The following SOHLH2 variants were observed in gnomAD, a reference collection of about 807,000 sequenced individuals.
SOHLH2 encodes the protein spermatogenesis and oogenesis specific basic helix-loop-helix 2.
In SOHLH2, 22 loss-of-function variants were observed where a neutral mutation model predicts 50.4. That is an observed-to-expected ratio of 0.44 (90% CI 0.31 to 0.62). The LOEUF (loss-of-function observed/expected upper bound fraction) is 0.62, where lower values mean the gene tolerates loss of function less well. SOHLH2 is among the 20% of genes least tolerant of loss of function. The pLI, the probability that SOHLH2 is intolerant of heterozygous loss-of-function variation, is 0.08. For synonymous variants in SOHLH2, 185 were observed against 187.3 expected, an observed-to-expected ratio of 0.99 and a Z score of 0.10; for missense variants, 412 against 504.4, an observed-to-expected ratio of 0.82 and a Z score of 1.76.
At chr13:36,182,189 T>G in intron 6 of SOHLH2, 1 of 985,378 alleles carries the variant, frequency 1.0e-6, no homozygotes. Context: ...GAGCAAAAGA[T>G]GGTAATACAG....
At chr13:36,203,147 C>T (rs1027123200) in intron 1 of SOHLH2, among the ~76,000 whole-genome samples, 2 of 152,174 alleles carry the variant, frequency 1.3e-5, no homozygotes, top group African/African-American at 4.8e-5. Flanking sequence ...CTGAAAGGAA[C>T]TGCTGTCAAG....
At chr13:36,185,045 G>C (rs1021189464) in intron 6 of SOHLH2, among the ~76,000 whole-genome samples, 1 of 152,082 alleles carries the variant, frequency 6.6e-6, no homozygotes, top group Non-Finnish European at 1.5e-5. Flanking sequence ...TCCTGTGTTA[G>C]TTTGCTGAGA....
chr13:36,178,360 C>T (rs1887149648), intron 6 of SOHLH2, among the ~76,000 whole-genome samples: 1 of 152,022 alleles, frequency 6.6e-6, no homozygotes, highest in South Asian at 2.1e-4. Flanking sequence ...CTAGTTGTTC[C>T]AGCATCATTT....
chr13:36,188,144 G>C (rs1302811076), intron 6 of SOHLH2, among the ~76,000 whole-genome samples: 1 of 152,132 alleles, frequency 6.6e-6, no homozygotes. Flanking sequence ...GCAATGTCTT[G>C]GACCCTCCTG....
Position 36,184,881 on chromosome 13 carries a change from G to A in SOHLH2, c.641+5065C>T, listed in dbSNP as rs143198272. ...CCCGTTATCTAGGTCTTTAAGCCCC[G>A]CATGCATTAGGTATTTGTCCTAATG... On this transcript the variant is annotated intron_variant, in intron 6 of 10. Transcript: ENST00000379881. 1.6e-4 allele frequency among the ~76,000 whole-genome samples: 24 copies of A among 152,066 alleles called. No homozygotes were observed. The East Asian group carries it at 3.9e-3, about 25-fold the overall frequency.
chr13:36,207,932 G>A (rs1035472692), intron 1 of SOHLH2, among the ~76,000 whole-genome samples: 2 of 152,108 alleles, frequency 1.3e-5, no homozygotes, highest in African/African-American at 4.8e-5. Context: ...CACCTTGGTC[G>A]CTTGGTTAAG....
At position 36,197,002 on chromosome 13, in the gene SOHLH2, TTC is replaced by T. The variant is rs1334666225; in HGVS notation, c.264-3137_264-3136del. Among the ~76,000 whole-genome samples, 3 of 152,290 alleles carry T rather than the reference TTC, an allele frequency of 2.0e-5. No individual in the cohort carries two copies. The East Asian group carries it at 5.8e-4, about 29-fold the overall frequency. On this transcript the variant is annotated intron_variant, in intron 2 of 10. Coordinates refer to ENST00000379881, the MANE Select transcript of SOHLH2 (RefSeq NM_017826.3). ...AGTTTCTAGGATCAACCAGAAAATG[TTC>T]TCTTTTTTTGTGAATGAATATTCCT...
intron 9 of SOHLH2, among the ~76,000 whole-genome samples, chr13:36,172,486 C>T (rs1188003977): frequency 2.0e-5 from 3 of 152,108 alleles, no homozygotes; most frequent in Non-Finnish European, 4.4e-5. Flanking sequence ...TCTGGGGGTC[C>T]CTGCTCTTTT....
chr13:36,191,756 T>A (rs375124843), intron 5 of SOHLH2, 39 bp downstream of exon 5: 221 of 1,611,144 alleles, frequency 1.4e-4, no homozygotes, highest in Middle Eastern at 5.0e-4. Flanking sequence ...ATAAGTTCTC[T>A]AAAAATATTG....
rs564041358 is a variant in SOHLH2 at position 36,174,791 on chromosome 13, T to C, written c.720A>G (p.Ser240=). Residue 240 remains serine, a synonymous_variant, in exon 7 of 11, where the codon TCA becomes TCG. Transcript: ENST00000379881. ...CATAATCAACTGTTGCCTCAAGAAC[T>C]GAAGCCGCATCATTCTTTCTCCCTT... ...YVKGRKNDAA[S]VLEATVDYVK... The C allele has an allele frequency of 5.0e-6, 8 of 1,612,000 alleles. No individual in the cohort carries two copies. The South Asian group carries it at 5.5e-5, about 11-fold the overall frequency.
chr13:36,172,363 A>AT (rs1006945466), intron 9 of SOHLH2, among the ~76,000 whole-genome samples: 5 of 151,930 alleles, frequency 3.3e-5, no homozygotes, highest in African/African-American at 9.7e-5. Flanking sequence ...ACTTATGGCA[A>AT]TTTTTTTTTC....
intron 1 of SOHLH2, 55 bp downstream of exon 1, chr13:36,214,397 TTTGAGGGCCGAGGGGACCACCGACCTA>T: frequency 1.3e-6 from 2 of 1,519,766 alleles, no homozygotes; most frequent in South Asian, 2.4e-5. Context: ...CAGGCCGGGC[TTTGAGGGCCGAGGGGACCACCGACCTA>T]GGGCCCGCCC....
chr13:36,175,489 T>C (rs1169032016), intron 6 of SOHLH2, among the ~76,000 whole-genome samples: 1 of 152,194 alleles, frequency 6.6e-6, no homozygotes. Context: ...GAAACTAACC[T>C]GTCTTTCACA....
chr13:36,202,100 G>C lies in SOHLH2; in HGVS notation c.49-7C>G. Reference sequence around the variant, plus strand: ...ATAAGATGTCTATTTTTGCCTGAAAGAGAAGGAAGCAGAGGCGTCACATAA... The same window carrying C: ...ATAAGATGTCTATTTTTGCCTGAAACAGAAGGAAGCAGAGGCGTCACATAA... On this transcript the variant is annotated splice_polypyrimidine_tract_variant and splice_region_variant and intron_variant, in intron 1 of 10. Coordinates refer to ENST00000379881, the MANE Select transcript of SOHLH2 (RefSeq NM_017826.3). 6.2e-7 allele frequency: 1 copy of C among 1,613,968 alleles called. No individual in the cohort carries two copies. Among genetic ancestry groups the C allele is most frequent in the Non-Finnish European group, 8.5e-7 (1 of 1,179,986 alleles).
intron 6 of SOHLH2, among the ~76,000 whole-genome samples, chr13:36,184,450 C>T (rs907460842): frequency 8.4e-6 from 1 of 119,180 alleles, no homozygotes; most frequent in East Asian, 2.4e-4. Flanking sequence ...AAGTTTCTAC[C>T]TACAAAGACC....
chr13:36,199,469 T>G (rs866578742), intron 2 of SOHLH2, among the ~76,000 whole-genome samples: 1 of 152,218 alleles, frequency 6.6e-6, no homozygotes, highest in Non-Finnish European at 1.5e-5. Context: ...CTGCTGGTAG[T>G]CAAGACCTTC....
chr13:36,177,280 T>C (rs546791697), intron 6 of SOHLH2, among the ~76,000 whole-genome samples: 1 of 152,244 alleles, frequency 6.6e-6, no homozygotes, highest in African/African-American at 2.4e-5. Context: ...AGCAACAGTA[T>C]TCAAAAATAT....
intron 9 of SOHLH2, among the ~76,000 whole-genome samples, chr13:36,173,165 A>C (rs1887005887): frequency 6.6e-6 from 1 of 152,216 alleles, no homozygotes; most frequent in Non-Finnish European, 1.5e-5. Flanking sequence ...AGCAATGAAT[A>C]AAACCAGCCA....
chr13:36,204,266 T>A (rs543520722), intron 1 of SOHLH2, among the ~76,000 whole-genome samples: 6 of 152,308 alleles, frequency 3.9e-5, no homozygotes, highest in African/African-American at 1.4e-4. Context: ...ATTCTGATTA[T>A]AAGGTCTCTT....
Sources: allele counts gnomAD v4.1 joint callset (sites outside exome capture counted in the v4.1 genomes callset), GRCh38; gene constraint gnomAD v4.1.1; transcripts MANE v1.5; gene names NCBI Gene and HGNC (gene_info 2026-07-23, HGNC 2026-07-21).